The following RABGAP1L variants were observed in gnomAD, a reference collection of about 807,000 sequenced individuals.
The protein encoded by RABGAP1L is RAB GTPase activating protein 1 like.
In RABGAP1L, 63 loss-of-function variants were observed where a neutral mutation model predicts 137.7. That is an observed-to-expected ratio of 0.46 (90% CI 0.37 to 0.56). The LOEUF is 0.56. RABGAP1L is among the 20% of genes least tolerant of loss of function. The probability of loss-of-function intolerance (pLI) is 0.00; values close to 1 mark genes in which losing one functional copy is unlikely to be tolerated. For missense variants in RABGAP1L, 1,095 were observed against 1,244.0 expected, an observed-to-expected ratio of 0.88 and a Z score of 1.80; for synonymous variants, 431 against 433.7, an observed-to-expected ratio of 0.99 and a Z score of 0.08.
rs908267609 is a variant in RABGAP1L, at chr1:174,241,597, G to C, written c.657G>C (p.Glu219Asp). The C allele has an allele frequency of 1.2e-6, 2 of 1,613,990 alleles. No individual in the cohort carries two copies. The highest frequency in any genetic ancestry group is 1.7e-6 in the Non-Finnish European group (2 of 1,179,930). ...AGAGCAATTGCTTTGCATTTACAGAGAGTTCCCATGGTTCGGAAGAATTTC... is the reference window on the plus strand; with the variant it reads ...AGAGCAATTGCTTTGCATTTACAGACAGTTCCCATGGTTCGGAAGAATTTC... ...TTESNCFAFT[E>D]SSHGSEEFQI... The change falls in exon 5 of 26, where the codon GAG becomes GAC. Residue 219 changes from glutamate (E) to aspartate (D), a missense_variant. Glu to Asp is a conservative substitution (Grantham distance 45). Transcript: ENST00000681986.
At chr1:174,973,616 T>G (rs1318980751) in intron 21 of RABGAP1L, among the ~76,000 whole-genome samples, 1 of 152,070 alleles carries the variant, frequency 6.6e-6, no homozygotes, top group Non-Finnish European at 1.5e-5. Flanking sequence ...AACTCCTGGC[T>G]TCAGGTGACC....
intron 23 of RABGAP1L, 129 bp from the exon 24 acceptor site, chr1:174,982,705 G>A: frequency 1.1e-6 from 1 of 879,704 alleles, no homozygotes; most frequent in East Asian, 2.8e-5. Context: ...CATTTGCAGT[G>A]CTATTCATTT....
chr1:174,386,197 A>C (rs952991705), intron 12 of RABGAP1L, among the ~76,000 whole-genome samples: 1 of 152,204 alleles, frequency 6.6e-6, no homozygotes, highest in Admixed American at 6.5e-5. Context: ...TGTACTTACT[A>C]TGTGCCAGGT....
chr1:174,183,550 A>T (rs6656188), intron 1 of RABGAP1L, among the ~76,000 whole-genome samples: 1 of 152,076 alleles, frequency 6.6e-6, no homozygotes, highest in African/African-American at 2.4e-5. Flanking sequence ...AGCCTTCCCC[A>T]CTATCGACAT....
intron 11 of RABGAP1L, among the ~76,000 whole-genome samples, chr1:174,337,123 T>C (rs1042912202): frequency 6.6e-6 from 1 of 152,018 alleles, no homozygotes; most frequent in Non-Finnish European, 1.5e-5. Context: ...ATTTACTAGA[T>C]CACAGTTTCC....
chr1:174,811,965 G>T lies in RABGAP1L; in HGVS notation c.2340+5G>T. On this transcript the variant is annotated splice_donor_5th_base_variant and intron_variant, in intron 19 of 25. Coordinates refer to ENST00000681986, the MANE Select transcript of RABGAP1L (RefSeq NM_001366446.1). ...GAGCAGGCTTGCAATATTAAAGTAAGAACATGAGTTTTTATATAATAAAGG... is the reference window on the plus strand; with the variant it reads ...GAGCAGGCTTGCAATATTAAAGTAATAACATGAGTTTTTATATAATAAAGG... The T allele has an allele frequency of 6.3e-7, 1 of 1,580,210 alleles. No individual in the cohort carries two copies. The highest frequency in any genetic ancestry group is 1.2e-5 in the South Asian group (1 of 83,376).
At chr1:174,972,471 C>T (rs1432110356) in intron 21 of RABGAP1L, among the ~76,000 whole-genome samples, 2 of 152,102 alleles carry the variant, frequency 1.3e-5, no homozygotes, top group Admixed American at 6.5e-5. Context: ...CCTTAGATTG[C>T]AATTAGAACT....
intron 10 of RABGAP1L, among the ~76,000 whole-genome samples, chr1:174,292,642 C>T (rs1558105940): frequency 6.6e-6 from 1 of 151,906 alleles, no homozygotes; most frequent in Admixed American, 6.6e-5. Context: ...TTCTTTTAAA[C>T]TGTTCAGACT....
At chr1:174,747,367 A>C (rs1290884789) in intron 17 of RABGAP1L, among the ~76,000 whole-genome samples, 1 of 146,026 alleles carries the variant, frequency 6.8e-6, no homozygotes, top group African/African-American at 2.6e-5. Flanking sequence ...ACACCACTGC[A>C]CTCCAGCTTG....
Position 174,252,537 on chromosome 1 carries a change from G to T in RABGAP1L, c.933G>T (p.Lys311Asn). Reference sequence around the variant, plus strand: ...TCAAATTAAAGCAAGGAATAGAGAAGAAGGTTGTGATTACAGTGCAGCAAC... The same window carrying T: ...TCAAATTAAAGCAAGGAATAGAGAATAAGGTTGTGATTACAGTGCAGCAAC... ...FYFKLKQGIE[K>N]KVVITVQQLS... Residue 311 changes from lysine to asparagine, a missense_variant, in exon 7 of 26, where the codon AAG (lysine) becomes AAT (asparagine). Transcript: ENST00000681986. 1 of 1,613,196 alleles carries T rather than the reference G, an allele frequency of 6.2e-7. No homozygotes were observed.
intron 18 of RABGAP1L, among the ~76,000 whole-genome samples, chr1:174,782,176 TA>T (rs1687065352): frequency 6.6e-6 from 1 of 152,220 alleles, no homozygotes; most frequent in African/African-American, 2.4e-5. Flanking sequence ...ATTTTCATGA[TA>T]TTGATTCTTC....
chr1:174,915,751 A>C (rs1411775616), intron 19 of RABGAP1L, among the ~76,000 whole-genome samples: 4 of 152,162 alleles, frequency 2.6e-5, no homozygotes, highest in Non-Finnish European at 4.4e-5. Context: ...CACCACTCCC[A>C]GCCTTTGCCC....
chr1:174,540,757 G>C (rs918838615), intron 13 of RABGAP1L, among the ~76,000 whole-genome samples: 10 of 152,128 alleles, frequency 6.6e-5, no homozygotes, highest in Non-Finnish European at 1.0e-4. Flanking sequence ...TTTTTGTTTA[G>C]GATTGTCTTG....
intron 19 of RABGAP1L, among the ~76,000 whole-genome samples, chr1:174,863,244 A>AAAAAAAG (rs924642534): frequency 6.6e-6 from 1 of 151,200 alleles, no homozygotes; most frequent in Non-Finnish European, 1.5e-5. Flanking sequence ...AAAAAAAAAA[A>AAAAAAAG]AAAAGAAAAA....
intron 19 of RABGAP1L, among the ~76,000 whole-genome samples, chr1:174,816,734 CTTT>C (rs59080997): frequency 1.4e-5 from 2 of 138,298 alleles, no homozygotes; most frequent in Non-Finnish European, 3.1e-5. Flanking sequence ...AGAAACAAGT[CTTT>C]TTTTTTTTTT....
Position 174,516,166 on chromosome 1 carries a change from C to CACACACACACACACAT in RABGAP1L, c.1711-121209_1711-121208insACACACACACACACAT, listed in dbSNP as rs1553319718. Among the ~76,000 whole-genome samples, 11 of 149,864 alleles carry CACACACACACACACAT rather than the reference C, an allele frequency of 7.3e-5. 1 individual carries two copies. Among genetic ancestry groups the CACACACACACACACAT allele is most frequent in the African/African-American group, 2.5e-4 (10 of 40,194 alleles). The stretch of plus-strand genomic sequence containing the variant: ...ACACACACACACACACACACACACA[C>CACACACACACACACAT]GCTTTGAGATAGGGTCTCGCTCTGT... On this transcript the variant is annotated intron_variant, in intron 13 of 25. Transcript: ENST00000681986.
At position 174,298,361 on chromosome 1, in the gene RABGAP1L, T is replaced by A. The variant is rs536416515; in HGVS notation, c.1324-6625T>A. On this transcript the variant is annotated intron_variant, in intron 10 of 25. Transcript: ENST00000681986. ...ATCTGCTCTCACCTATGTCTCTTTC[T>A]CACCTACTGTCAGTAGCCTTGGAGT... 3.3e-5 allele frequency among the ~76,000 whole-genome samples: 5 copies of A among 152,350 alleles called. No homozygotes were observed. In the South Asian group the frequency reaches 1.0e-3, roughly 32 times the overall value.
intron 14 of RABGAP1L, among the ~76,000 whole-genome samples, chr1:174,674,456 A>T (rs1180580989): frequency 2.0e-5 from 3 of 149,952 alleles, no homozygotes; most frequent in Non-Finnish European, 4.5e-5. Flanking sequence ...CATGGTGTAT[A>T]TGTGCCACAT....
chr1:174,815,613 G>A (rs1192022063), intron 19 of RABGAP1L, among the ~76,000 whole-genome samples: 1 of 152,178 alleles, frequency 6.6e-6, no homozygotes, highest in East Asian at 1.9e-4. Flanking sequence ...AGATGCAGCA[G>A]TTGCAAGCAA....
Sources: allele counts gnomAD v4.1 joint callset (sites outside exome capture counted in the v4.1 genomes callset), GRCh38; gene constraint gnomAD v4.1.1; transcripts MANE v1.5; gene names NCBI Gene and HGNC (gene_info 2026-07-23, HGNC 2026-07-21).